The following MYO9B variants were observed in gnomAD, a reference collection of about 807,000 sequenced individuals.
MYO9B encodes unconventional myosin-IXb.
Under a neutral mutation model 229.5 loss-of-function variants are expected in MYO9B, and 71 were observed. That is an observed-to-expected ratio of 0.31 (90% CI 0.26 to 0.38). MYO9B has a LOEUF of 0.38. Among genes scored for constraint, MYO9B ranks in the 10% least tolerant of loss-of-function variants. MYO9B has a pLI of 1.00. For synonymous variants in MYO9B, 1,185 were observed against 1,235.8 expected (o/e 0.96, Z 0.86); for missense variants, 2,255 against 2,920.5 (o/e 0.77, Z 5.25).
At chr19:17,210,244 A>G (rs547106731) in intron 36 of MYO9B, 89 bp from the exon 37 acceptor site, 17 of 1,345,956 alleles carry the variant, frequency 1.3e-5, no homozygotes, top group Admixed American at 2.6e-5. Flanking sequence ...GGGACCCCCT[A>G]TCTTGGTACC....
In MYO9B at chr19:17,206,201, G is replaced by A. The variant is rs201007326; in HGVS notation, c.5258-47G>A. 3.2e-4 allele frequency: 508 copies of A among 1,599,006 alleles called. 1 individual carries two copies. In the African/African-American group the frequency reaches 4.2e-3, roughly 13 times the overall value. ...GCAGTGCCAGGCCCCAGGCACAGCC[G>A]TCCTGCCAGTGCGCCGCTCACCAGA... On this transcript the variant is annotated intron_variant, in intron 32 of 39. Coordinates refer to ENST00000682292, the MANE Select transcript of MYO9B (RefSeq NM_004145.4).
intron 10 of MYO9B, among the ~76,000 whole-genome samples, chr19:17,167,624 C>T (rs988248421): frequency 1.3e-4 from 20 of 151,894 alleles, no homozygotes; most frequent in Non-Finnish European, 2.9e-5. Context: ...GGATTACAGG[C>T]TTGTGCAACC....
At chr19:17,120,293 G>C in intron 2 of MYO9B, among the ~76,000 whole-genome samples, 1 of 152,194 alleles carries the variant, frequency 6.6e-6, no homozygotes, top group Non-Finnish European at 1.5e-5. Flanking sequence ...AGGCTGGGCA[G>C]CCACCGCTAC....
Position 17,206,963 on chromosome 19 carries a change from C to T in MYO9B, c.5493-150C>T, listed in dbSNP as rs1410245008. 12 of 1,311,836 alleles carry T rather than the reference C, an allele frequency of 9.1e-6. No individual in the cohort carries two copies. In the East Asian group the frequency reaches 2.8e-4, roughly 30 times the overall value. 81.3% of individuals were successfully genotyped at this position (1,311,836 alleles called of 1,614,324 possible). On this transcript the variant is annotated intron_variant, in intron 34 of 39. Coordinates refer to ENST00000682292, the MANE Select transcript of MYO9B (RefSeq NM_004145.4). ...TGGGCCGCCCGGGTCCCTTGAGGTACCTCTCTGTGCTGCGGAAGCATCTCC... is the reference window on the plus strand; with the variant it reads ...TGGGCCGCCCGGGTCCCTTGAGGTATCTCTCTGTGCTGCGGAAGCATCTCC...
rs1227354091 is a variant in MYO9B at position 17,181,008 on chromosome 19, C to T, written c.2301C>T (p.Leu767=). 1 of 1,610,980 alleles carries T rather than the reference C, an allele frequency of 6.2e-7. No homozygotes were observed. The highest frequency in any genetic ancestry group is 1.7e-5 in the Admixed American group (1 of 59,448). ...GEDPRSLLQS[L]SRLQKPRAFI... ...ACCCCCGTAGCCTTCTCCAGTCCCT[C>T]AGTCGGCTCCAGAAACCCCGCGCCT... The change falls in exon 15 of 40, where the codon CTC becomes CTT. Residue 767 remains leucine, a synonymous_variant. Coordinates refer to ENST00000682292, the MANE Select transcript of MYO9B (RefSeq NM_004145.4).
At chr19:17,127,264 A>G (rs2072133791) in intron 2 of MYO9B, among the ~76,000 whole-genome samples, 1 of 140,686 alleles carries the variant, frequency 7.1e-6, no homozygotes, top group Non-Finnish European at 1.5e-5. Context: ...TCGGCCTTCC[A>G]AAGTGCTGGA....
At chr19:17,161,547 G>A (rs1192311780) in intron 8 of MYO9B, among the ~76,000 whole-genome samples, 1 of 152,134 alleles carries the variant, frequency 6.6e-6, no homozygotes, top group Non-Finnish European at 1.5e-5. Context: ...CAGGCACGGT[G>A]GCTCACGCCT....
rs1463165988 is a variant in MYO9B, at chr19:17,172,609, A to G, written c.1935+132A>G. ...AACCCACCGCGAATCCCCGGCTCCA[A>G]TGTCCAAGGCGCCATAGTTCAAGAA... is the stretch of plus-strand genomic sequence containing the variant. On this transcript the variant is annotated intron_variant, in intron 12 of 39. Transcript: ENST00000682292. The surrounding 1 kb of genome is among the most constrained non-coding windows in gnomAD (Gnocchi z 8.2). 2.1e-6 allele frequency: 3 copies of G among 1,453,022 alleles called. No individual in the cohort carries two copies. The highest frequency in any genetic ancestry group is 2.8e-6 in the Non-Finnish European group (3 of 1,067,132). The allele number at this position is 1,453,022 out of a possible 1,614,324, so 90.0% of individuals were successfully genotyped here. A position where few individuals can be genotyped will look rare whatever the true frequency, so the allele number is the denominator to read the frequency against.
In MYO9B at chr19:17,195,496, T is replaced by C. The variant is rs1407143921; in HGVS notation, c.4046+23T>C. On this transcript the variant is annotated intron_variant, in intron 22 of 39. Transcript: ENST00000682292. The surrounding 1 kb of genome is among the most constrained non-coding windows in gnomAD (Gnocchi z 4.5). Reference sequence around the variant, plus strand: ...AGAGTAAGCCCCACACCCTCTTTTGTCTGAGCACCAGGGTCCAGGCCAGGT... The same window carrying C: ...AGAGTAAGCCCCACACCCTCTTTTGCCTGAGCACCAGGGTCCAGGCCAGGT... The C allele has an allele frequency of 7.7e-6, 12 of 1,568,352 alleles. No homozygotes were observed. The East Asian group carries it at 2.6e-4, about 34-fold the overall frequency.
At chr19:17,099,883 C>G (rs1291616643) in intron 1 of MYO9B, among the ~76,000 whole-genome samples, 1 of 150,418 alleles carries the variant, frequency 6.6e-6, no homozygotes, top group Non-Finnish European at 1.5e-5. Context: ...TTTGGGAGGC[C>G]GAGGAGGATG....
rs966906434 is a variant in MYO9B at position 17,145,608 on chromosome 19, A to G, written c.935+117A>G. 5.5e-6 allele frequency: 5 copies of G among 910,224 alleles called. No homozygotes were observed. The African/African-American group carries it at 8.3e-5, about 15-fold the overall frequency. The allele number at this position is 910,224 out of a possible 1,614,324, so 56.4% of individuals were successfully genotyped here. On this transcript the variant is annotated intron_variant, in intron 3 of 39. Transcript: ENST00000682292. ...GGCTGTGTGGATGTTTATGCTTTGTATGGGAGAGCGAGTGTGATTTTTAGG... is the reference window on the plus strand; with the variant it reads ...GGCTGTGTGGATGTTTATGCTTTGTGTGGGAGAGCGAGTGTGATTTTTAGG...
chr19:17,102,939 G>T (rs564049251), intron 2 of MYO9B, among the ~76,000 whole-genome samples: 3 of 149,970 alleles, frequency 2.0e-5, no homozygotes, highest in East Asian at 2.0e-4. Flanking sequence ...TTCAGGCTGG[G>T]TGTGGTGGCT....
chr19:17,161,787 G>A (rs2072605182), intron 8 of MYO9B, among the ~76,000 whole-genome samples: 1 of 152,072 alleles, frequency 6.6e-6, no homozygotes, highest in African/African-American at 2.4e-5. Flanking sequence ...CTGTACTTCA[G>A]CCTGGGCGAT....
intron 1 of MYO9B, among the ~76,000 whole-genome samples, chr19:17,081,091 G>A (rs1325614485): frequency 2.6e-5 from 4 of 152,080 alleles, no homozygotes; most frequent in Non-Finnish European, 4.4e-5. Context: ...GCAGTGACGC[G>A]ATCTCAGCTC....
At chr19:17,176,200 C>A (rs1325402936) in intron 14 of MYO9B, among the ~76,000 whole-genome samples, 1 of 151,920 alleles carries the variant, frequency 6.6e-6, no homozygotes, top group Admixed American at 6.6e-5. Context: ...CGGCTAATTT[C>A]TTTTGTATTT....
chr19:17,185,835 G>GC lies in MYO9B; in HGVS notation c.2497-85dup. On this transcript the variant is annotated intron_variant, in intron 17 of 39. Coordinates refer to ENST00000682292, the MANE Select transcript of MYO9B (RefSeq NM_004145.4). ...CAGACCCCATCCACCCCACACTGAT[G>GC]CTAGAGTGTCCCAGGTCTGCTCCCA... The GC allele has an allele frequency of 2.8e-6, 3 of 1,075,740 alleles. No homozygotes were observed. The Admixed American group carries it at 5.4e-5, about 19-fold the overall frequency. The allele number at this position is 1,075,740 out of a possible 1,614,324, so 66.6% of individuals were successfully genotyped here. A position where few individuals can be genotyped will look rare whatever the true frequency, so the allele number is the denominator to read the frequency against.
At chr19:17,203,837 ACCG>A (rs1258095059) in intron 30 of MYO9B, among the ~76,000 whole-genome samples, 5 of 151,710 alleles carry the variant, frequency 3.3e-5, no homozygotes, top group Non-Finnish European at 5.9e-5. Flanking sequence ...ACGCTGCTCC[ACCG>A]CCTGAACCAT....
chr19:17,199,864 G>T (rs931565783), intron 24 of MYO9B, among the ~76,000 whole-genome samples: 3 of 148,488 alleles, frequency 2.0e-5, no homozygotes, highest in Non-Finnish European at 4.5e-5. Flanking sequence ...TTTTGTTTTT[G>T]TTTTTTGTTT....
At chr19:17,158,830 C>T (rs768670448) in intron 7 of MYO9B, among the ~76,000 whole-genome samples, 4 of 152,182 alleles carry the variant, frequency 2.6e-5, no homozygotes, top group African/African-American at 4.8e-5. Flanking sequence ...TACACATACC[C>T]GGGCCACGGA....
Sources: gnomAD v4.1 joint callset for allele counts (sites outside exome capture counted in the v4.1 genomes callset) on GRCh38, gnomAD v4.1.1 for gene constraint, Gnocchi (gnomAD v3.1) non-coding constraint, MANE v1.5 for transcripts, NCBI Gene and HGNC (gene_info 2026-07-23, HGNC 2026-07-21) for gene names.